Variants in AKAP7 observed in about 807,000 individuals in gnomAD.
The protein encoded by AKAP7 is A-kinase anchoring protein 7.
AKAP7 carries 39 observed loss-of-function variants against 39.5 expected under a neutral mutation model. That is an observed-to-expected ratio of 0.99 (90% confidence interval 0.76 to 1.29). The LOEUF (loss-of-function observed/expected upper bound fraction) is 1.29, where lower values mean the gene tolerates loss of function less well. AKAP7 is among the 50% of genes most tolerant of loss of function. The pLI is 0.00. For synonymous variants in AKAP7, 140 were observed against 139.1 expected (o/e 1.01, Z -0.05); for missense variants, 414 against 407.7 (o/e 1.02, Z -0.13).
chr6:131,281,829 G>A lies in AKAP7; in HGVS notation c.*103G>A, dbSNP rs980766933. 1 of 1,346,242 alleles carries A rather than the reference G, an allele frequency of 7.4e-7. No individual in the cohort carries two copies. The highest frequency in any genetic ancestry group is 2.9e-5 in the East Asian group (1 of 35,030). The allele number at this position is 1,346,242 out of a possible 1,614,324, so 83.4% of individuals were successfully genotyped here. On this transcript the variant is annotated 3_prime_UTR_variant, in exon 8 of 8. Transcript: ENST00000431975. This position sits in a 1 kb window ranked among gnomAD's most constrained non-coding sequence, Gnocchi z 4.0. ...CGTGCTGTTTAAGTTAAGTTTCTCT[G>A]GTGCAATCTGTGAAGATTGCCTAAT...
At chr6:131,152,402 A>G (rs1272023576) in intron 2 of AKAP7, among the ~76,000 whole-genome samples, 1 of 152,276 alleles carries the variant, frequency 6.6e-6, no homozygotes, top group East Asian at 1.9e-4. Flanking sequence ...GTTGTATTTT[A>G]GAACCTACAT....
Position 131,141,866 on chromosome 6 carries a change from A to C in AKAP7, c.20-3419A>C, listed in dbSNP as rs933780162. Among the ~76,000 whole-genome samples, 13 of 149,984 alleles carry C rather than the reference A, an allele frequency of 8.7e-5. No homozygotes were observed. The East Asian group carries it at 2.6e-3, about 30-fold the overall frequency. On this transcript the variant is annotated intron_variant, in intron 1 of 7. Coordinates refer to ENST00000431975, the MANE Select transcript of AKAP7 (RefSeq NM_016377.4). ...TTTGAACTTAGAAGTGATGACTTAG[A>C]GTATCTGATAGAAGAAATTTCTTTC...
At chr6:131,223,508 C>T (rs1809883463) in intron 7 of AKAP7, among the ~76,000 whole-genome samples, 2 of 152,106 alleles carry the variant, frequency 1.3e-5, no homozygotes, top group Non-Finnish European at 2.9e-5. Flanking sequence ...TATTCTGAAA[C>T]ATCTCAAGTC....
At chr6:131,247,556 G>A (rs888294622) in intron 7 of AKAP7, among the ~76,000 whole-genome samples, 2 of 151,358 alleles carry the variant, frequency 1.3e-5, no homozygotes, top group Non-Finnish European at 2.9e-5. Context: ...TCCTGATCTC[G>A]TGATCCACCC....
intron 1 of AKAP7, among the ~76,000 whole-genome samples, chr6:131,142,895 G>C (rs1352868619): frequency 2.6e-5 from 4 of 152,226 alleles, no homozygotes; most frequent in Non-Finnish European, 4.4e-5. Flanking sequence ...CCTGGATGTG[G>C]GACATGGAGT....
chr6:131,245,375 G>A (rs1811918286), intron 7 of AKAP7, among the ~76,000 whole-genome samples: 1 of 150,650 alleles, frequency 6.6e-6, no homozygotes, highest in Non-Finnish European at 1.5e-5. Context: ...ATCCCGAGTA[G>A]CTGGGATTAC....
chr6:131,239,540 A>G (rs1261311775), intron 7 of AKAP7, among the ~76,000 whole-genome samples: 1 of 152,246 alleles, frequency 6.6e-6, no homozygotes, highest in Non-Finnish European at 1.5e-5. Flanking sequence ...ACTTTCAGGT[A>G]CACCAATCAG....
chr6:131,202,333 C>G lies in AKAP7; in HGVS notation c.702+2760C>G, dbSNP rs531856764. Among the ~76,000 whole-genome samples, 15 of 144,104 alleles carry G rather than the reference C, an allele frequency of 1.0e-4. No individual in the cohort carries two copies. The South Asian group carries it at 2.9e-3, about 28-fold the overall frequency. 94.5% of individuals were successfully genotyped at this position (144,104 alleles called of 152,430 possible). ...CACATATGTTTATTGCGGCACTATT[C>G]ACAATAGCAAAGACTTGGAACCAAC... On this transcript the variant is annotated intron_variant, in intron 6 of 7. Coordinates refer to ENST00000431975, the MANE Select transcript of AKAP7 (RefSeq NM_016377.4).
intron 5 of AKAP7, chr6:131,184,315 G>GC (rs1050640724): frequency 4.9e-6 from 3 of 616,838 alleles, no homozygotes; most frequent in Non-Finnish European, 9.5e-6. Flanking sequence ...GGAGCAGGGG[G>GC]GTGGCTATAT....
At chr6:131,235,020 A>G (rs1296836128) in intron 7 of AKAP7, among the ~76,000 whole-genome samples, 1 of 151,962 alleles carries the variant, frequency 6.6e-6, no homozygotes, top group Admixed American at 6.6e-5. Context: ...CTCTTCATTT[A>G]ACATTAGGTA....
At chr6:131,240,699 G>A (rs182074892) in intron 7 of AKAP7, among the ~76,000 whole-genome samples, 102 of 152,334 alleles carry the variant, frequency 6.7e-4, no homozygotes, top group African/African-American at 1.9e-3. Flanking sequence ...TGTAGGACCC[G>A]CCGAGCCAGG....
At chr6:131,247,088 A>G (rs997991710) in intron 7 of AKAP7, among the ~76,000 whole-genome samples, 8 of 152,030 alleles carry the variant, frequency 5.3e-5, no homozygotes, top group African/African-American at 1.4e-4. Flanking sequence ...AGTAAACTCA[A>G]GTGCCTGGTG....
At position 131,281,752 on chromosome 6, in the gene AKAP7, CTG is replaced by C. The variant is rs1815217513; in HGVS notation, c.*29_*30del. 6 of 1,559,382 alleles carry C rather than the reference CTG, an allele frequency of 3.8e-6. No homozygotes were observed. Among genetic ancestry groups the C allele is most frequent in the Non-Finnish European group, 5.2e-6 (6 of 1,153,892 alleles). Reference sequence around the variant, plus strand: ...GCCCGGAACGCAGGCCCCCATGTCTCTGTGCAAAGCCTCCCTGCTTCCCTCTG... The same window carrying C: ...GCCCGGAACGCAGGCCCCCATGTCTCTGCAAAGCCTCCCTGCTTCCCTCTG... On this transcript the variant is annotated 3_prime_UTR_variant, in exon 8 of 8. Coordinates refer to ENST00000431975, the MANE Select transcript of AKAP7 (RefSeq NM_016377.4). The surrounding 1 kb of genome is among the most constrained non-coding windows in gnomAD (Gnocchi z 4.0).
intron 7 of AKAP7, among the ~76,000 whole-genome samples, chr6:131,267,364 A>G (rs1417926708): frequency 6.6e-6 from 1 of 152,228 alleles, no homozygotes; most frequent in Non-Finnish European, 1.5e-5. Context: ...CTTACATTTC[A>G]TAACATGAGC....
chr6:131,212,301 C>CA (rs1808741248), intron 6 of AKAP7, among the ~76,000 whole-genome samples: 1 of 152,198 alleles, frequency 6.6e-6, no homozygotes, highest in Non-Finnish European at 1.5e-5. Flanking sequence ...CCATGTGTGT[C>CA]ATACTTAGAA....
intron 5 of AKAP7, among the ~76,000 whole-genome samples, chr6:131,194,122 C>T (rs921953938): frequency 6.6e-6 from 1 of 151,830 alleles, no homozygotes; most frequent in Non-Finnish European, 1.5e-5. Context: ...TAGAATGCAT[C>T]ATTAGGTTAT....
At position 131,239,735 on chromosome 6, in the gene AKAP7, C is replaced by T. The variant is rs189115963; in HGVS notation, c.850+19927C>T. Among the ~76,000 whole-genome samples the T allele has an allele frequency of 7.9e-5, 12 of 152,284 alleles. No individual in the cohort carries two copies. The East Asian group carries it at 1.5e-3, about 20-fold the overall frequency. On this transcript the variant is annotated intron_variant, in intron 7 of 7. Transcript: ENST00000431975. ...GCTTGTGCATTCGTCACATAGTTCT[C>T]GTGTCTTGGTTTTCAGCTTCATCAG...
At position 131,145,280 on chromosome 6, in the gene AKAP7, T is replaced by G; in HGVS notation, c.20-5T>G. On this transcript the variant is annotated splice_polypyrimidine_tract_variant and splice_region_variant and intron_variant, in intron 1 of 7. Coordinates refer to ENST00000431975, the MANE Select transcript of AKAP7 (RefSeq NM_016377.4). ...CCTTTTTTTTCTGTTTGTGATATGT[T>G]AAAGGAGGAATTAATTCCAATGAGT... is the stretch of plus-strand genomic sequence containing the variant. 6.8e-7 allele frequency: 1 copy of G among 1,479,498 alleles called. No individual in the cohort carries two copies. The highest frequency in any genetic ancestry group is 9.1e-7 in the Non-Finnish European group (1 of 1,101,448). The allele number at this position is 1,479,498 out of a possible 1,614,324, so 91.6% of individuals were successfully genotyped here.
the AKAP7 span, among the ~76,000 whole-genome samples, chr6:131,129,351 G>A: frequency 6.6e-6 from 1 of 151,526 alleles, no homozygotes; most frequent in African/African-American, 2.4e-5. Context: ...AATGACATGA[G>A]AAATTAGTCA....
Sources: gnomAD v4.1 joint callset for allele counts (sites outside exome capture counted in the v4.1 genomes callset) on GRCh38, gnomAD v4.1.1 for gene constraint, Gnocchi (gnomAD v3.1) non-coding constraint, MANE v1.5 for transcripts, NCBI Gene and HGNC (gene_info 2026-07-23, HGNC 2026-07-21) for gene names.